Variants in RGS6 observed in about 807,000 individuals in gnomAD.
RGS6 encodes regulator of G-protein signaling 6.
A neutral mutation model predicts 78.5 loss-of-function variants in RGS6; 30 were observed. That is an observed-to-expected ratio of 0.38 (90% CI 0.29 to 0.52). RGS6 has a LOEUF of 0.52. RGS6 is among the 20% of genes least tolerant of loss of function. The pLI, the probability that RGS6 is intolerant of heterozygous loss-of-function variation, is 0.85. For synonymous variants in RGS6, 206 were observed against 206.0 expected (o/e 1.00, Z 0.00); for missense variants, 495 against 609.7 (o/e 0.81, Z 1.98).
chr14:72,308,563 A>G (rs1323428762), intron 2 of RGS6, among the ~76,000 whole-genome samples: 1 of 152,228 alleles, frequency 6.6e-6, no homozygotes, highest in Non-Finnish European at 1.5e-5. Context: ...CCTTGCCCAC[A>G]GCAAATGCTC....
intron 2 of RGS6, among the ~76,000 whole-genome samples, chr14:72,345,650 G>A (rs887598771): frequency 6.6e-6 from 1 of 152,194 alleles, no homozygotes; most frequent in African/African-American, 2.4e-5. Flanking sequence ...AGCCTTAACT[G>A]TAAGCCTAGT....
At chr14:72,366,749 G>A (rs1174171718) in intron 3 of RGS6, among the ~76,000 whole-genome samples, 1 of 152,118 alleles carries the variant, frequency 6.6e-6, no homozygotes, top group Non-Finnish European at 1.5e-5. Flanking sequence ...TGAGTCTTCG[G>A]AGTTTCCAAC....
chr14:72,605,088 C>T, the RGS6 span, among the ~76,000 whole-genome samples: 1 of 152,190 alleles, frequency 6.6e-6, no homozygotes, highest in South Asian at 2.1e-4. Context: ...TTTGGGCTCC[C>T]TGTCTGGAGC....
intron 2 of RGS6, among the ~76,000 whole-genome samples, chr14:72,193,498 C>T (rs1479385394): frequency 2.0e-5 from 3 of 152,278 alleles, no homozygotes; most frequent in South Asian, 2.1e-4. Context: ...CAGTGTGTGC[C>T]GGGTACTTCT....
At chr14:72,295,993 G>A (rs34536760) in intron 2 of RGS6, among the ~76,000 whole-genome samples, 4 of 152,164 alleles carry the variant, frequency 2.6e-5, no homozygotes, top group Non-Finnish European at 4.4e-5. Flanking sequence ...TCCATCATGC[G>A]GGAAAGTTCT....
At chr14:72,081,734 T>C (rs2094832787) in intron 2 of RGS6, among the ~76,000 whole-genome samples, 2 of 152,144 alleles carry the variant, frequency 1.3e-5, no homozygotes, top group South Asian at 4.1e-4. Context: ...AGCCTTTTTA[T>C]GCTAAAAATG....
the RGS6 span, among the ~76,000 whole-genome samples, chr14:71,878,844 T>A: frequency 2.0e-5 from 3 of 152,138 alleles, no homozygotes; most frequent in African/African-American, 4.8e-5. Flanking sequence ...TATCAGTAAG[T>A]TTTTACAAAA....
chr14:72,096,945 G>T (rs2095421501), intron 2 of RGS6, among the ~76,000 whole-genome samples: 1 of 152,130 alleles, frequency 6.6e-6, no homozygotes. Context: ...TCAAAAGCTG[G>T]CCAGAAAGAG....
intron 2 of RGS6, among the ~76,000 whole-genome samples, chr14:72,235,186 T>C (rs1478761219): frequency 6.6e-6 from 1 of 152,172 alleles, no homozygotes; most frequent in Admixed American, 6.5e-5. Context: ...GGTAGGAGTA[T>C]GCGTGGATTG....
intron 2 of RGS6, among the ~76,000 whole-genome samples, chr14:72,004,404 C>A (rs1487955364): frequency 6.6e-6 from 1 of 152,150 alleles, no homozygotes. Context: ...AGAAGAAATT[C>A]AAATGCTTTT....
chr14:72,546,618 G>C (rs1038360577), intron 17 of RGS6, among the ~76,000 whole-genome samples: 1 of 152,190 alleles, frequency 6.6e-6, no homozygotes, highest in African/African-American at 2.4e-5. Flanking sequence ...GACATGTGGG[G>C]CAATCAGGGC....
chr14:72,458,838 A>T (rs2095701932), intron 5 of RGS6, among the ~76,000 whole-genome samples: 1 of 152,036 alleles, frequency 6.6e-6, no homozygotes, highest in African/African-American at 2.4e-5. Flanking sequence ...CACTAATCTC[A>T]CCTGTGAGGG....
At chr14:72,166,743 C>A (rs2096933374) in intron 2 of RGS6, among the ~76,000 whole-genome samples, 1 of 152,138 alleles carries the variant, frequency 6.6e-6, no homozygotes, top group Non-Finnish European at 1.5e-5. Context: ...TTTTATAGAC[C>A]TATTGATCTC....
chr14:72,332,979 C>A (rs1256264159), intron 2 of RGS6, among the ~76,000 whole-genome samples: 2 of 152,148 alleles, frequency 1.3e-5, no homozygotes, highest in Non-Finnish European at 2.9e-5. Flanking sequence ...TAGTCAGGGG[C>A]AGGGCTGAAT....
At chr14:72,593,448 C>A in the RGS6 span, among the ~76,000 whole-genome samples, 1 of 152,186 alleles carries the variant, frequency 6.6e-6, no homozygotes, top group African/African-American at 2.4e-5. Context: ...TACAGCAGTG[C>A]GATCTCGGCT....
At chr14:72,365,416 A>G (rs1173893486) in intron 3 of RGS6, among the ~76,000 whole-genome samples, 1 of 152,222 alleles carries the variant, frequency 6.6e-6, no homozygotes, top group Non-Finnish European at 1.5e-5. Context: ...CAAAGATCAG[A>G]GTTGAAGAGA....
At chr14:72,287,154 T>C (rs1340322469) in intron 2 of RGS6, among the ~76,000 whole-genome samples, 2 of 152,252 alleles carry the variant, frequency 1.3e-5, no homozygotes, top group Admixed American at 6.5e-5. Context: ...AATTTTTGTA[T>C]GTTGATTTTG....
At chr14:72,284,875 C>A (rs566922980) in intron 2 of RGS6, among the ~76,000 whole-genome samples, 4 of 152,226 alleles carry the variant, frequency 2.6e-5, no homozygotes, top group Non-Finnish European at 4.4e-5. Flanking sequence ...CCACCTCTTG[C>A]ATCGGCGTGA....
intron 2 of RGS6, among the ~76,000 whole-genome samples, chr14:72,210,343 G>T (rs1374717757): frequency 6.6e-6 from 1 of 152,068 alleles, no homozygotes; most frequent in Non-Finnish European, 1.5e-5. Context: ...CAGGTTGCTT[G>T]TATTTTTTTC....
Sources: allele counts gnomAD v4.1 joint callset (sites outside exome capture counted in the v4.1 genomes callset), GRCh38; gene constraint gnomAD v4.1.1; transcripts MANE v1.5; gene names NCBI Gene and HGNC (gene_info 2026-07-23, HGNC 2026-07-21).